GPR20: variants seen among roughly 807,000 people sequenced by gnomAD.
GPR20 encodes the protein CTD-3064M3.3.
For missense variants in GPR20, 494 were observed against 527.4 expected (o/e 0.94, Z 0.62); for synonymous variants, 241 against 241.9 (o/e 1.00, Z 0.04).
chr8:141,362,339 C>G (rs767950564), intron 1 of GPR20, among the ~76,000 whole-genome samples: 6 of 152,090 alleles, frequency 3.9e-5, no homozygotes, highest in Non-Finnish European at 8.8e-5. Context: ...GTTCATCCCA[C>G]GGCGCTGCTA....
intron 1 of GPR20, among the ~76,000 whole-genome samples, chr8:141,362,672 C>A (rs557699447): frequency 6.6e-6 from 1 of 152,164 alleles, no homozygotes; most frequent in African/African-American, 2.4e-5. Context: ...TCCTCCCAGC[C>A]GAGCAAGGCT....
Position 141,357,612 on chromosome 8 carries a change from C to G in GPR20, c.312G>C (p.Leu104=). ...ACACAGCGAAGCGCGTGGGCAGGGA[C>G]AGCCCTACCAGTAGATCGGTCACCA... is the stretch of plus-strand genomic sequence containing the variant. ...NLVVTDLLVG[L]SLPTRFAVYY... The change falls in exon 2 of 2, where the codon CTG becomes CTC. Residue 104 remains leucine (L), a synonymous_variant. Transcript: ENST00000377741. 6.2e-7 allele frequency: 1 copy of G among 1,613,982 alleles called. No individual in the cohort carries two copies. The highest frequency in any genetic ancestry group is 8.5e-7 in the Non-Finnish European group (1 of 1,180,006).
At chr8:141,358,060 C>G (rs60818561) in intron 1 of GPR20, 113 bp from the exon 2 acceptor site, 38,156 of 605,762 alleles carry the variant, frequency 0.063, 1,717 homozygotes, top group Middle Eastern at 0.15. Context: ...TCCCCCTTCT[C>G]CATGCCCTCG....
At chr8:141,363,138 C>T (rs1339601852) in intron 1 of GPR20, among the ~76,000 whole-genome samples, 1 of 152,246 alleles carries the variant, frequency 6.6e-6, no homozygotes, top group African/African-American at 2.4e-5. Flanking sequence ...CAAATCATTT[C>T]ATCACTGGGA....
chr8:141,359,790 G>A (rs917876577), intron 1 of GPR20, among the ~76,000 whole-genome samples: 2 of 152,162 alleles, frequency 1.3e-5, no homozygotes, highest in Admixed American at 6.5e-5. Context: ...AGGTCCCCCC[G>A]AAAGAGATGC....
In GPR20 at chr8:141,357,840, G is replaced by A. The variant is rs145332046; in HGVS notation, c.84C>T (p.Ser28=). 2.3e-3 allele frequency: 3,779 copies of A among 1,612,852 alleles called. 7 individuals carry two copies. Among genetic ancestry groups the A allele is most frequent in the Non-Finnish European group, 2.9e-3 (3,415 of 1,179,722 alleles). The change falls in exon 2 of 2, where the codon AGC becomes AGT. Residue 28 remains serine, a synonymous_variant. Coordinates refer to ENST00000377741, the MANE Select transcript of GPR20 (RefSeq NM_005293.3). Reference sequence around the variant, plus strand: ...GGTGGAACAGGGGCACCTCCAGCCCGCTGGCATTGGTCCGCACTGTTGTCA... The same window carrying A: ...GGTGGAACAGGGGCACCTCCAGCCCACTGGCATTGGTCCGCACTGTTGTCA... ...TAVTTVRTNA[S]GLEVPLFHLF... is the part of the protein sequence containing the mutation.
chr8:141,360,435 A>G (rs7846265), intron 1 of GPR20, among the ~76,000 whole-genome samples: 33,445 of 152,156 alleles, frequency 0.22, 5,614 homozygotes, highest in African/African-American at 0.46. Flanking sequence ...CTGGGCCCTC[A>G]GCCCGGACCT....
chr8:141,360,069 A>C (rs1042378549), intron 1 of GPR20, among the ~76,000 whole-genome samples: 1 of 152,142 alleles, frequency 6.6e-6, no homozygotes, highest in African/African-American at 2.4e-5. Context: ...GGGCCAGCCC[A>C]GCAGGCTCAC....
chr8:141,366,108 AC>A (rs1050442710), intron 1 of GPR20, among the ~76,000 whole-genome samples: 1 of 152,102 alleles, frequency 6.6e-6, no homozygotes, highest in African/African-American at 2.4e-5. Flanking sequence ...CAATGAAGCC[AC>A]CCCGTGGGCT....
chr8:141,363,974 G>T (rs531246780), intron 1 of GPR20, among the ~76,000 whole-genome samples: 1 of 152,348 alleles, frequency 6.6e-6, no homozygotes, highest in African/African-American at 2.4e-5. Context: ...TGCTAAGGGC[G>T]CTTTGCATCC....
At chr8:141,359,209 C>G (rs1831697756) in intron 1 of GPR20, among the ~76,000 whole-genome samples, 1 of 152,100 alleles carries the variant, frequency 6.6e-6, no homozygotes, top group Non-Finnish European at 1.5e-5. Flanking sequence ...TCCTGGTGGC[C>G]CCTGCTGTAA....
intron 1 of GPR20, among the ~76,000 whole-genome samples, chr8:141,360,169 C>G (rs949483393): frequency 2.0e-5 from 3 of 152,140 alleles, no homozygotes; most frequent in Non-Finnish European, 4.4e-5. Context: ...GTGCTGGACA[C>G]CCCAGAGGCC....
At position 141,357,419 on chromosome 8, in the gene GPR20, C is replaced by A. The variant is rs755017969; in HGVS notation, c.505G>T (p.Ala169Ser). 2.0e-5 allele frequency: 32 copies of A among 1,605,954 alleles called. No individual in the cohort carries two copies. The highest frequency in any genetic ancestry group is 2.7e-5 in the Non-Finnish European group (32 of 1,177,532). Residue 169 changes from alanine to serine, a missense_variant, in exon 2 of 2, where the codon GCC becomes TCC. By Grantham distance (99) the Ala-to-Ser change is moderately conservative. Transcript: ENST00000377741. The part of the protein sequence containing the change: ...RRCRQPACAR[A>S]VCAFVWLAAG... ...GCCAGCCACACGAAGGCGCACACGG[C>A]CCTGGCACAGGCAGGCTGGCGGCAG...
chr8:141,359,162 C>T (rs7823363), intron 1 of GPR20, among the ~76,000 whole-genome samples: 17,339 of 152,098 alleles, frequency 0.11, 1,297 homozygotes, highest in East Asian at 0.43. Context: ...GCCCCTCCCC[C>T]ACCTGCTGGA....
Position 141,357,588 on chromosome 8 carries a change from C to T in GPR20, c.336G>A (p.Val112=). The change falls in exon 2 of 2, where the codon GTG becomes GTA. Residue 112 remains valine (V), a synonymous_variant. Transcript: ENST00000377741. ...VGLSLPTRFA[V]YYGARGCLRC... is the part of the protein sequence containing the mutation. ...GCAGGCAGCCCCTGGCGCCGTAGTA[C>T]ACAGCGAAGCGCGTGGGCAGGGACA... 6.2e-7 allele frequency: 1 copy of T among 1,613,954 alleles called. No individual in the cohort carries two copies. Among genetic ancestry groups the T allele is most frequent in the Non-Finnish European group, 8.5e-7 (1 of 1,180,000 alleles).
At chr8:141,365,419 G>T (rs1563708360) in intron 1 of GPR20, among the ~76,000 whole-genome samples, 1 of 152,246 alleles carries the variant, frequency 6.6e-6, no homozygotes, top group Non-Finnish European at 1.5e-5. Context: ...CTTTGTCCCA[G>T]TGCCTGGGAT....
chr8:141,364,410 T>G (rs1435041637), intron 1 of GPR20, among the ~76,000 whole-genome samples: 1 of 152,220 alleles, frequency 6.6e-6, no homozygotes, highest in Non-Finnish European at 1.5e-5. Flanking sequence ...CCTCCGTTTC[T>G]TCCACCAAGA....
rs571444462 is a variant in GPR20 at position 141,358,787 on chromosome 8, C to T, written c.-24-840G>A. Among the ~76,000 whole-genome samples, 5 of 152,354 alleles carry T rather than the reference C, an allele frequency of 3.3e-5. No homozygotes were observed. The East Asian group carries it at 9.6e-4, about 29-fold the overall frequency. ...CCTGAGAGGCGGGCACCCCTATGAT[C>T]CCCCCAAACTACAGAAAAGGAGACA... On this transcript the variant is annotated intron_variant, in intron 1 of 1. Coordinates refer to ENST00000377741, the MANE Select transcript of GPR20 (RefSeq NM_005293.3).
At chr8:141,362,146 A>G (rs1158379624) in intron 1 of GPR20, among the ~76,000 whole-genome samples, 1 of 152,172 alleles carries the variant, frequency 6.6e-6, no homozygotes, top group Non-Finnish European at 1.5e-5. Flanking sequence ...AGCGGGGCCT[A>G]AACACTCCAT....
Sources: gnomAD v4.1 joint callset for allele counts (sites outside exome capture counted in the v4.1 genomes callset) on GRCh38, gnomAD v4.1.1 for gene constraint, MANE v1.5 for transcripts, NCBI Gene and HGNC (gene_info 2026-07-23, HGNC 2026-07-21) for gene names.